Variants in SBNO1 observed in about 807,000 individuals in gnomAD.
The protein encoded by SBNO1 is strawberry notch homolog 1, also known as protein strawberry notch homolog 1.
Under a neutral mutation model 173.6 loss-of-function variants are expected in SBNO1, and 23 were observed. That is an observed-to-expected ratio of 0.13 (90% confidence interval 0.10 to 0.19). The LOEUF (loss-of-function observed/expected upper bound fraction) is 0.19, where lower values mean the gene tolerates loss of function less well. SBNO1 is among the 10% of genes least tolerant of loss of function. The probability of loss-of-function intolerance (pLI) is 1.00; values close to 1 mark genes in which losing one functional copy is unlikely to be tolerated. For missense variants in SBNO1, 1,238 were observed against 1,671.2 expected, an observed-to-expected ratio of 0.74 and a Z score of 4.52; for synonymous variants, 632 against 571.5, an observed-to-expected ratio of 1.11 and a Z score of -1.51.
intron 4 of SBNO1, among the ~76,000 whole-genome samples, chr12:123,344,630 C>A (rs552288036): frequency 3.3e-5 from 5 of 152,276 alleles, no homozygotes; most frequent in Admixed American, 3.3e-4. Flanking sequence ...GGGCAGACTG[C>A]CTGAGCTCAG....
At chr12:123,298,855 TGAG>T (rs1314241978) in intron 30 of SBNO1, among the ~76,000 whole-genome samples, 2 of 151,814 alleles carry the variant, frequency 1.3e-5, no homozygotes, top group South Asian at 2.1e-4. Context: ...TTTGGGAGGC[TGAG>T]GAGGGAGTAT....
chr12:123,359,624 T>C (rs1314423056), intron 1 of SBNO1, among the ~76,000 whole-genome samples: 1 of 152,178 alleles, frequency 6.6e-6, no homozygotes, highest in Non-Finnish European at 1.5e-5. Flanking sequence ...TAAACCGCAT[T>C]TCTTACTGTG....
intron 1 of SBNO1, among the ~76,000 whole-genome samples, chr12:123,356,906 A>G (rs920129135): frequency 6.6e-6 from 1 of 152,200 alleles, no homozygotes; most frequent in Non-Finnish European, 1.5e-5. Flanking sequence ...GCTAATAACA[A>G]AAAGGATTTT....
At chr12:123,298,972 C>T (rs1009934266) in intron 30 of SBNO1, among the ~76,000 whole-genome samples, 1 of 152,158 alleles carries the variant, frequency 6.6e-6, no homozygotes, top group African/African-American at 2.4e-5. Context: ...CCTGTAACCC[C>T]AGCACTTTGG....
In SBNO1 at chr12:123,290,366, G is replaced by T. The variant is rs1158351450; in HGVS notation, c.*5542C>A. The T allele has an allele frequency of 2.0e-5, 3 of 152,136 alleles. No homozygotes were observed. The highest frequency in any genetic ancestry group is 2.0e-4 in the Admixed American group (3 of 15,268). The allele number at this position is 152,136 out of a possible 1,614,324, so 9.4% of individuals were successfully genotyped here. ...ATGAAACTTGTACATGAATGAAAAG[G>T]CCCCAAAGACGCTCACGGCAATCCT... On this transcript the variant is annotated 3_prime_UTR_variant, in exon 32 of 32. Coordinates refer to ENST00000602398, the MANE Select transcript of SBNO1 (RefSeq NM_001167856.3).
At chr12:123,333,420 T>C (rs1377431486) in intron 7 of SBNO1, among the ~76,000 whole-genome samples, 1 of 152,056 alleles carries the variant, frequency 6.6e-6, no homozygotes, top group African/African-American at 2.4e-5. Flanking sequence ...ACAACAAATA[T>C]CATTCTGCAT....
At position 123,296,031 on chromosome 12, in the gene SBNO1, A is replaced by C. The variant is rs751806493; in HGVS notation, c.4059T>G (p.Asn1353Lys). The stretch of plus-strand genomic sequence containing the variant: ...GGAGATTTACAAGAGGAGACACACA[A>C]TTTGCCGGAATGATCAAACCTGTAA... Reference protein sequence around the residue: ...QRIVGLIIPANCVSPLVNLLS... With the variant: ...QRIVGLIIPAKCVSPLVNLLS... The change falls in exon 32 of 32, where the codon AAT (asparagine) becomes AAG (lysine). Residue 1353 changes from asparagine (N) to lysine (K), a missense_variant. Transcript: ENST00000602398. 1 of 1,613,314 alleles carries C rather than the reference A, an allele frequency of 6.2e-7. No individual in the cohort carries two copies. The highest frequency in any genetic ancestry group is 1.3e-5 in the African/African-American group (1 of 74,920).
rs762370371 is a variant in SBNO1, at chr12:123,309,685, T to TG, written c.3442+24dup. On this transcript the variant is annotated intron_variant, in intron 26 of 31. Coordinates refer to ENST00000602398, the MANE Select transcript of SBNO1 (RefSeq NM_001167856.3). ...CTCCACATTTTCCCTGGGGACATTG[T>TG]GGGGGGGAAATTTTCCCTACTTACC... is the stretch of plus-strand genomic sequence containing the variant. 43 of 1,609,740 alleles carry TG rather than the reference T, an allele frequency of 2.7e-5. No individual in the cohort carries two copies. In the Middle Eastern group the frequency reaches 5.0e-4, roughly 19 times the overall value.
Position 123,320,749 on chromosome 12 carries a change from G to C in SBNO1, c.2441C>G (p.Pro814Arg), listed in dbSNP as rs1869862019. ...GATAACTGGTGTAGATGAAAAACTA[G>C]GTCGTTTTGATCCAAGACCTGATGC... ...LLASGLGSKR[P>R]SFSSTPVISP... is the part of the protein sequence containing the mutation. Residue 814 changes from proline to arginine, a missense_variant, in exon 18 of 32, where the codon CCT (proline) becomes CGT (arginine). Transcript: ENST00000602398. 7 of 1,612,400 alleles carry C rather than the reference G, an allele frequency of 4.3e-6. No individual in the cohort carries two copies. Among genetic ancestry groups the C allele is most frequent in the Non-Finnish European group, 5.9e-6 (7 of 1,179,452 alleles).
intron 31 of SBNO1, among the ~76,000 whole-genome samples, chr12:123,297,225 G>T (rs2048628768): frequency 1.3e-5 from 2 of 148,830 alleles, no homozygotes; most frequent in African/African-American, 4.9e-5. Flanking sequence ...AGCCAGGTGT[G>T]GTGGTGCATG....
At chr12:123,317,393 A>G (rs57416942) in intron 20 of SBNO1, 37 bp from the exon 21 acceptor site, 69,853 of 1,607,178 alleles carry the variant, frequency 0.043, 2,527 homozygotes, top group East Asian at 0.24. Context: ...TCACTTTTGC[A>G]TAAGAACAAG....
chr12:123,300,383 C>T (rs76763582), intron 30 of SBNO1, among the ~76,000 whole-genome samples: 7,237 of 152,164 alleles, frequency 0.048, 305 homozygotes, highest in East Asian at 0.25. Flanking sequence ...TTAGGCCAGG[C>T]GCAGTGGCTC....
In SBNO1 at chr12:123,345,517, T is replaced by G; in HGVS notation, c.291A>C (p.Pro97=). The stretch of plus-strand genomic sequence containing the variant: ...TCATTACAATTGTAGATCCCAAGGG[T>G]GGAAGATGATTTATTTGATTCAGCA... ...TFVLNQINHL[P]PLGSTIVMTK... The change falls in exon 4 of 32, where the codon CCA becomes CCC. Residue 97 remains proline, a synonymous_variant. Coordinates refer to ENST00000602398, the MANE Select transcript of SBNO1 (RefSeq NM_001167856.3). 1 of 1,613,962 alleles carries G rather than the reference T, an allele frequency of 6.2e-7. No homozygotes were observed. Among genetic ancestry groups the G allele is most frequent in the Non-Finnish European group, 8.5e-7 (1 of 1,179,982 alleles).
chr12:123,361,054 G>A (rs185294847), intron 1 of SBNO1, among the ~76,000 whole-genome samples: 270 of 152,168 alleles, frequency 1.8e-3, no homozygotes, highest in African/African-American at 6.2e-3. Context: ...AACAATCCTG[G>A]TCAAAATGGT....
intron 1 of SBNO1, among the ~76,000 whole-genome samples, chr12:123,362,557 C>G (rs566957518): frequency 6.7e-6 from 1 of 148,900 alleles, no homozygotes; most frequent in Non-Finnish European, 1.5e-5. Context: ...CTTGAGGTCA[C>G]TAGTGTGAGA....
At chr12:123,359,396 C>T (rs1874857376) in intron 1 of SBNO1, among the ~76,000 whole-genome samples, 2 of 151,432 alleles carry the variant, frequency 1.3e-5, no homozygotes, top group South Asian at 4.2e-4. Context: ...TATGTCTCTA[C>T]TAAATACACA....
Position 123,345,294 on chromosome 12 carries a change from G to A in SBNO1, c.514C>T (p.Pro172Ser), listed in dbSNP as rs1161405503. 1 of 1,614,160 alleles carries A rather than the reference G, an allele frequency of 6.2e-7. No homozygotes were observed. Among genetic ancestry groups the A allele is most frequent in the Middle Eastern group, 1.6e-4 (1 of 6,062 alleles). Residue 172 changes from proline to serine, a missense_variant, in exon 4 of 32, where the codon CCT becomes TCT. Coordinates refer to ENST00000602398, the MANE Select transcript of SBNO1 (RefSeq NM_001167856.3). ...GCTACTGGCTGAGCAATATTAGCAGGTGGCTTTAGTTTCATCAGTTCATTA... is the reference window on the plus strand; with the variant it reads ...GCTACTGGCTGAGCAATATTAGCAGATGGCTTTAGTTTCATCAGTTCATTA... ...SLNELMKLKP[P>S]ANIAQPVATA... is the part of the protein sequence containing the mutation.
At chr12:123,310,158 T>C (rs2049016535) in intron 25 of SBNO1, among the ~76,000 whole-genome samples, 1 of 152,216 alleles carries the variant, frequency 6.6e-6, no homozygotes, top group South Asian at 2.1e-4. Flanking sequence ...TCAACTGTAG[T>C]GGCACTATTA....
chr12:123,345,754 T>C (rs1381912683), intron 3 of SBNO1, among the ~76,000 whole-genome samples, 184 bp from the exon 4 acceptor site: 1 of 152,156 alleles, frequency 6.6e-6, no homozygotes, highest in African/African-American at 2.4e-5. Context: ...ACTGCAGCCT[T>C]GCCCAACTGG....
Sources: gnomAD v4.1 joint callset for allele counts (sites outside exome capture counted in the v4.1 genomes callset) on GRCh38, gnomAD v4.1.1 for gene constraint, MANE v1.5 for transcripts, NCBI Gene and HGNC (gene_info 2026-07-23, HGNC 2026-07-21) for gene names.